Variants in PHYH observed in about 807,000 individuals in gnomAD.
PHYH encodes the protein phytanoyl-CoA 2-hydroxylase.
A neutral mutation model predicts 38.5 loss-of-function variants in PHYH; 32 were observed. The ratio of observed to expected loss-of-function variants is 0.83; its 90% CI spans 0.63 to 1.12. PHYH has a LOEUF of 1.12. PHYH is among the 50% of genes most tolerant of loss of function. The probability of loss-of-function intolerance (pLI) is 0.00; values close to 1 mark genes in which losing one functional copy is unlikely to be tolerated. For missense variants in PHYH, 426 were observed against 434.8 expected, an observed-to-expected ratio of 0.98 and a Z score of 0.18; for synonymous variants, 166 against 157.9, an observed-to-expected ratio of 1.05 and a Z score of -0.38.
At chr10:13,288,882 C>A (rs1835627855) in intron 5 of PHYH, among the ~76,000 whole-genome samples, 1 of 137,902 alleles carries the variant, frequency 7.3e-6, no homozygotes, top group Non-Finnish European at 1.5e-5. Flanking sequence ...GCATTACAGC[C>A]TGGGTGACAG....
intron 3 of PHYH, 54 bp downstream of exon 3, chr10:13,295,442 C>T (rs1271597024): frequency 6.6e-6 from 6 of 906,774 alleles, no homozygotes; most frequent in African/African-American, 1.6e-5. Flanking sequence ...CTTGTATTCT[C>T]ATTACATGCA....
intron 5 of PHYH, 65 bp from the exon 6 acceptor site, chr10:13,288,606 C>G: frequency 6.7e-7 from 1 of 1,499,096 alleles, no homozygotes; most frequent in Non-Finnish European, 9.3e-7. Flanking sequence ...GCCTGTAACC[C>G]CAGCACTTTG....
intron 6 of PHYH, among the ~76,000 whole-genome samples, chr10:13,287,247 G>A (rs1414144974): frequency 1.3e-5 from 2 of 152,036 alleles, no homozygotes; most frequent in African/African-American, 4.8e-5. Flanking sequence ...TCTGAGGCAG[G>A]AGAATCACCT....
chr10:13,292,215 A>C (rs973212524), intron 4 of PHYH, among the ~76,000 whole-genome samples: 1 of 152,194 alleles, frequency 6.6e-6, no homozygotes, highest in African/African-American at 2.4e-5. Context: ...AACCCAAGCA[A>C]CAGAAGGTTG....
In PHYH at chr10:13,291,853, C is replaced by T. The variant is rs745517071; in HGVS notation, c.474G>A (p.Leu158=). ...TACCAGAATCTGGAGGTTTGTTTAT[C>T]AACATTGTGTGCATGGCCATAATAT... ...GPNIMAMHTM[L]INKPPDSGKK... The change falls in exon 5 of 9, where the codon TTG becomes TTA. Residue 158 remains leucine, a synonymous_variant. Transcript: ENST00000263038. 8.1e-6 allele frequency: 13 copies of T among 1,609,290 alleles called. No individual in the cohort carries two copies. The South Asian group carries it at 1.4e-4, about 18-fold the overall frequency.
chr10:13,289,115 G>C (rs181390805), intron 5 of PHYH, among the ~76,000 whole-genome samples: 1 of 152,112 alleles, frequency 6.6e-6, no homozygotes, highest in Admixed American at 6.6e-5. Context: ...CCCTTCTTCC[G>C]GGTTGCTGGT....
intron 6 of PHYH, among the ~76,000 whole-genome samples, chr10:13,286,293 C>T (rs911028032): frequency 4.6e-5 from 7 of 152,056 alleles, no homozygotes; most frequent in African/African-American, 1.7e-4. Context: ...CTTGAAGAGC[C>T]GATTTGATCC....
intron 6 of PHYH, among the ~76,000 whole-genome samples, chr10:13,286,672 G>C (rs1456993778): frequency 2.7e-5 from 4 of 146,748 alleles, no homozygotes; most frequent in Non-Finnish European, 5.9e-5. Flanking sequence ...CTGCACTCCA[G>C]CCTGGTGACA....
chr10:13,294,370 T>C, intron 4 of PHYH, 58 bp downstream of exon 4: 3 of 1,550,202 alleles, frequency 1.9e-6, no homozygotes, highest in Non-Finnish European at 2.7e-6. Flanking sequence ...CAGCGGGTTT[T>C]ACAGGCAGAC....
intron 3 of PHYH, chr10:13,294,802 G>T (rs995895350): frequency 1.7e-6 from 1 of 590,010 alleles, no homozygotes; most frequent in African/African-American, 1.9e-5. Flanking sequence ...CCCTAGTTTA[G>T]CATACCAGTA....
At chr10:13,299,919 C>T (rs1447066198) in intron 1 of PHYH, 49 bp downstream of exon 1, 1 of 1,489,694 alleles carries the variant, frequency 6.7e-7, no homozygotes, top group Non-Finnish European at 8.9e-7. Context: ...ACTCAGGCGG[C>T]GGCGCCGGCG....
At chr10:13,287,221 C>G (rs1835574719) in intron 6 of PHYH, among the ~76,000 whole-genome samples, 1 of 151,990 alleles carries the variant, frequency 6.6e-6, no homozygotes, top group South Asian at 2.1e-4. Flanking sequence ...CGCCTATAAT[C>G]CCAGCTACTC....
chr10:13,299,970 C>T lies in PHYH; in HGVS notation c.73G>A (p.Val25Ile), dbSNP rs1261804897. 1 of 1,530,180 alleles carries T rather than the reference C, an allele frequency of 6.5e-7. No individual in the cohort carries two copies. The allele number at this position is 1,530,180 out of a possible 1,614,324, so 94.8% of individuals were successfully genotyped here. Residue 25 changes from valine to isoleucine, a missense_variant and splice_region_variant, in exon 1 of 9, where the codon GTC (valine) becomes ATC (isoleucine). Transcript: ENST00000263038. ...GCCCCGCGCAGCCCAAAGGATACGA[C>T]AGCCCCGGCCGAGGGGCGGCCGAGG... The part of the protein sequence containing the change: ...GHLGRPSAGA[V>I]VAHPTSGTIS...
rs571942119 is a variant in PHYH, at chr10:13,297,585, C to T, written c.134+602G>A. 9.1e-4 allele frequency among the ~76,000 whole-genome samples: 138 copies of T among 152,126 alleles called. 2 individuals carry two copies. Among genetic ancestry groups the T allele is most frequent in the Non-Finnish European group, 1.3e-3 (90 of 67,992 alleles). On this transcript the variant is annotated intron_variant, in intron 2 of 8. Coordinates refer to ENST00000263038, the MANE Select transcript of PHYH (RefSeq NM_006214.4). ...TCTCCCACTTCAGCCTCCTGAGTAGCTGGGATTATAGGTGCACACCACCAT... is the reference window on the plus strand; with the variant it reads ...TCTCCCACTTCAGCCTCCTGAGTAGTTGGGATTATAGGTGCACACCACCAT...
intron 6 of PHYH, among the ~76,000 whole-genome samples, chr10:13,286,633 G>A (rs1037393777): frequency 2.6e-5 from 4 of 151,092 alleles, no homozygotes; most frequent in Admixed American, 1.3e-4. Flanking sequence ...CAAGGGAGTC[G>A]GAGGTTGCAG....
In PHYH at chr10:13,295,582, T is replaced by G. The variant is rs763777635; in HGVS notation, c.159A>C (p.Leu53=). The G allele has an allele frequency of 7.2e-7, 1 of 1,386,458 alleles. No homozygotes were observed. The highest frequency in any genetic ancestry group is 1.0e-6 in the Non-Finnish European group (1 of 972,050). The allele number at this position is 1,386,458 out of a possible 1,614,324, so 85.9% of individuals were successfully genotyped here. A position where few individuals can be genotyped will look rare whatever the true frequency, so the allele number is the denominator to read the frequency against. Residue 53 remains leucine, a synonymous_variant, in exon 3 of 9, where the codon CTA becomes CTC. Coordinates refer to ENST00000263038, the MANE Select transcript of PHYH (RefSeq NM_006214.4). ...CATAAAATTTTCTCTGTTCCAGGGT[T>G]AGAACGTTATTATCCAGAGTATACC... ...QFQYTLDNNV[L]TLEQRKFYEE... is the part of the protein sequence containing the mutation.
At chr10:13,286,457 C>CT (rs1470768323) in intron 6 of PHYH, among the ~76,000 whole-genome samples, 16 of 152,244 alleles carry the variant, frequency 1.1e-4, no homozygotes, top group Admixed American at 5.9e-4. Context: ...GAGCCCAGCA[C>CT]TTTGGGAGGC....
intron 7 of PHYH, among the ~76,000 whole-genome samples, chr10:13,282,478 G>C (rs1835434942): frequency 6.6e-6 from 1 of 151,176 alleles, no homozygotes; most frequent in Non-Finnish European, 1.5e-5. Context: ...TGTAGTCTCA[G>C]CTACTCACGA....
At chr10:13,299,734 G>A (rs952281562) in intron 1 of PHYH, 2 of 1,305,486 alleles carry the variant, frequency 1.5e-6, no homozygotes, top group Admixed American at 4.3e-5. Context: ...GCAGGGCAAC[G>A]CGGCAATTGC....
Sources: gnomAD v4.1 joint callset for allele counts (sites outside exome capture counted in the v4.1 genomes callset) on GRCh38, gnomAD v4.1.1 for gene constraint, MANE v1.5 for transcripts, NCBI Gene and HGNC (gene_info 2026-07-23, HGNC 2026-07-21) for gene names.